The following GRAP variants were observed in gnomAD, a reference collection of about 807,000 sequenced individuals.
The protein encoded by GRAP is GRB2 related adaptor protein, also known as GRB2-related adapter protein.
In GRAP, 2 loss-of-function variants were observed where a neutral mutation model predicts 9.1. The ratio of observed to expected loss-of-function variants is 0.22; its 90% CI spans 0.09 to 0.69. The LOEUF (loss-of-function observed/expected upper bound fraction) is 0.69. Ranked by LOEUF, GRAP falls within the 30% of genes least tolerant of loss-of-function variation. The pLI, the probability that GRAP is intolerant of heterozygous loss-of-function variation, is 0.81. For missense variants in GRAP, 113 were observed against 179.4 expected (o/e 0.63, Z 2.12); for synonymous variants, 68 against 73.6 (o/e 0.92, Z 0.39).
chr17:19,027,482 GCGCACA>G (rs1248590324), intron 3 of GRAP, among the ~76,000 whole-genome samples: 10 of 115,976 alleles, frequency 8.6e-5, no homozygotes, highest in Middle Eastern at 3.9e-3. Flanking sequence ...GCGCGCGCGC[GCGCACA>G]CACACACACA....
At position 19,021,686 on chromosome 17, in the gene GRAP, C is replaced by T. The variant is rs147181892; in HGVS notation, c.*273G>A. 820 of 399,274 alleles carry T rather than the reference C, an allele frequency of 2.1e-3. 12 individuals carry two copies. Among genetic ancestry groups the T allele is most frequent in the East Asian group, 0.015 (431 of 28,052 alleles). The allele number at this position is 399,274 out of a possible 1,614,324, so 24.7% of individuals were successfully genotyped here. A position where few individuals can be genotyped will look rare whatever the true frequency, so the allele number is the denominator to read the frequency against. On this transcript the variant is annotated 3_prime_UTR_variant, in exon 5 of 5. Coordinates refer to ENST00000284154, the MANE Select transcript of GRAP (RefSeq NM_006613.4). This position sits in a 1 kb window ranked among gnomAD's most constrained non-coding sequence, Gnocchi z 4.1. ...TGACAAGAGGAGGTGGGCGGGGCCT[C>T]CACAGACTCCGCCCTGTGGTGTCAC... is the stretch of plus-strand genomic sequence containing the variant.
In GRAP at chr17:19,027,482, G is replaced by GCACACACACACA. The variant is rs1201282703; in HGVS notation, c.300-3100_300-3099insTGTGTGTGTGTG. 4.7e-3 allele frequency among the ~76,000 whole-genome samples: 540 copies of GCACACACACACA among 116,002 alleles called. 6 individuals carry two copies. The highest frequency in any genetic ancestry group is 9.2e-3 in the Admixed American group (102 of 11,088). 76.1% of individuals were successfully genotyped at this position (116,002 alleles called of 152,430 possible). Reference sequence around the variant, plus strand: ...TGATGGGACACATGCGCGCGCGCGCGCGCACACACACACACACACACACAC... The same window carrying GCACACACACACA: ...TGATGGGACACATGCGCGCGCGCGCGCACACACACACACGCACACACACACACACACACACAC... On this transcript the variant is annotated intron_variant, in intron 3 of 4. Coordinates refer to ENST00000284154, the MANE Select transcript of GRAP (RefSeq NM_006613.4).
intron 4 of GRAP, among the ~76,000 whole-genome samples, chr17:19,023,570 T>C (rs2044289546): frequency 6.6e-6 from 1 of 152,108 alleles, no homozygotes; most frequent in African/African-American, 2.4e-5. Context: ...TTGGGGCTCC[T>C]TGATGAAAGG....
chr17:19,024,177 A>G lies in GRAP; in HGVS notation c.468+38T>C, dbSNP rs1429969052. 1 of 1,549,126 alleles carries G rather than the reference A, an allele frequency of 6.5e-7. No individual in the cohort carries two copies. Among genetic ancestry groups the G allele is most frequent in the Non-Finnish European group, 8.7e-7 (1 of 1,143,384 alleles). On this transcript the variant is annotated intron_variant, in intron 4 of 4. Transcript: ENST00000284154. The surrounding 1 kb of genome is among the most constrained non-coding windows in gnomAD (Gnocchi z 4.2). ...CCCTGCTGCAGATGGCAGGAGGTGC[A>G]GAGAGGCTCCCACAGGCCAGCCCCC... is the stretch of plus-strand genomic sequence containing the variant.
Position 19,022,088 on chromosome 17 carries a change from C to A in GRAP, c.525G>T (p.Ser175=), listed in dbSNP as rs957663914. 1.3e-6 allele frequency: 2 copies of A among 1,587,408 alleles called. No homozygotes were observed. The highest frequency in any genetic ancestry group is 1.8e-5 in the Admixed American group (1 of 56,356). ...AQFDFSAQDP[S]QLSFRRGDII... Reference sequence around the variant, plus strand: ...TGTCGCCACGGCGGAAGCTGAGCTGCGAGGGGTCCTGGGCTGAGAAGTCAA... The same window carrying A: ...TGTCGCCACGGCGGAAGCTGAGCTGAGAGGGGTCCTGGGCTGAGAAGTCAA... The change falls in exon 5 of 5, where the codon TCG becomes TCT. Residue 175 remains serine (S), a synonymous_variant. Transcript: ENST00000284154.
intron 3 of GRAP, among the ~76,000 whole-genome samples, chr17:19,027,482 G>GCACACACACACACACACACACACACA (rs1201282703): frequency 1.7e-5 from 2 of 115,986 alleles, no homozygotes; most frequent in African/African-American, 3.6e-5. Context: ...GCGCGCGCGC[G>GCACACACACACACACACACACACACA]CGCACACACA....
intron 4 of GRAP, among the ~76,000 whole-genome samples, chr17:19,022,989 G>T (rs1363003207): frequency 1.3e-5 from 2 of 152,262 alleles, no homozygotes; most frequent in Admixed American, 6.5e-5. Flanking sequence ...AGAGCGAGGT[G>T]TTGGGTGTAG....
At position 19,021,989 on chromosome 17, in the gene GRAP, T is replaced by C. The variant is rs375764703; in HGVS notation, c.624A>G (p.Pro208=). ...GRSCGRVGFF[P]RSYVQPVHL is the part of the protein sequence containing the mutation. ...GGTGCACGGGCTGCACGTAACTCCG[T>C]GGGAAGAAGCCAACGCGCCCGCAGG... The change falls in exon 5 of 5, where the codon CCA becomes CCG. Residue 208 remains proline (P), a synonymous_variant. Coordinates refer to ENST00000284154, the MANE Select transcript of GRAP (RefSeq NM_006613.4). This position sits in a 1 kb window ranked among gnomAD's most constrained non-coding sequence, Gnocchi z 4.1. The C allele has an allele frequency of 1.3e-5, 21 of 1,582,728 alleles. No homozygotes were observed. Among genetic ancestry groups the C allele is most frequent in the Middle Eastern group, 3.8e-4 (2 of 5,254 alleles).
chr17:19,032,862 T>G (rs1597928967), intron 3 of GRAP: 1 of 24,516 alleles, frequency 4.1e-5, no homozygotes, highest in Non-Finnish European at 1.2e-4. Context: ...TGCAGGGAAG[T>G]GGTGGCTGGG....
upstream of GRAP, among the ~76,000 whole-genome samples, chr17:19,048,115 G>GCGCCATT (rs1212946252): frequency 1.9e-5 from 2 of 103,248 alleles, no homozygotes; most frequent in Non-Finnish European, 4.1e-5. Context: ...GCCTGAGATT[G>GCGCCATT]CGCCATTGCA....
At position 19,024,180 on chromosome 17, in the gene GRAP, G is replaced by A. The variant is rs2044294829; in HGVS notation, c.468+35C>T. On this transcript the variant is annotated intron_variant, in intron 4 of 4. Coordinates refer to ENST00000284154, the MANE Select transcript of GRAP (RefSeq NM_006613.4). This position sits in a 1 kb window ranked among gnomAD's most constrained non-coding sequence, Gnocchi z 4.2. ...TGCTGCAGATGGCAGGAGGTGCAGA[G>A]AGGCTCCCACAGGCCAGCCCCCACC... 2 of 1,552,886 alleles carry A rather than the reference G, an allele frequency of 1.3e-6. No individual in the cohort carries two copies. Among genetic ancestry groups the A allele is most frequent in the East Asian group, 2.4e-5 (1 of 41,256 alleles).
chr17:19,024,472 C>G lies in GRAP; in HGVS notation c.300-89G>C. ...GCTCCCGTCTCACTACCACCTGGAA[C>G]CAGCCTGTCTCACGGTGGGACCTGG... On this transcript the variant is annotated intron_variant, in intron 3 of 4. Transcript: ENST00000284154. The surrounding 1 kb of genome is among the most constrained non-coding windows in gnomAD (Gnocchi z 4.2). 1 of 1,512,922 alleles carries G rather than the reference C, an allele frequency of 6.6e-7. No individual in the cohort carries two copies. Among genetic ancestry groups the G allele is most frequent in the Non-Finnish European group, 8.9e-7 (1 of 1,127,754 alleles). The allele number at this position is 1,512,922 out of a possible 1,614,324, so 93.7% of individuals were successfully genotyped here. A position where few individuals can be genotyped will look rare whatever the true frequency, so the allele number is the denominator to read the frequency against.
intron 4 of GRAP, 113 bp from the exon 5 acceptor site, chr17:19,022,257 G>T: frequency 1.8e-6 from 1 of 566,220 alleles, no homozygotes; most frequent in Non-Finnish European, 3.0e-6. Context: ...GTCTCGGGCA[G>T]CACCGGAGTT....
intron 3 of GRAP, among the ~76,000 whole-genome samples, chr17:19,027,534 C>T (rs2044319602): frequency 7.1e-6 from 1 of 139,932 alleles, no homozygotes; most frequent in South Asian, 2.4e-4. Context: ...ACCCCTACCT[C>T]TCCTGGGTTG....
Position 19,027,482 on chromosome 17 carries a change from GCGCA to G in GRAP, c.300-3103_300-3100del, listed in dbSNP as rs1425635424. 2.4e-3 allele frequency among the ~76,000 whole-genome samples: 282 copies of G among 116,062 alleles called. 5 individuals are homozygous for G. Among genetic ancestry groups the G allele is most frequent in the Non-Finnish European group, 3.4e-3 (201 of 58,628 alleles). The allele number at this position is 116,062 out of a possible 152,430, so 76.1% of individuals were successfully genotyped here. ...TGATGGGACACATGCGCGCGCGCGC[GCGCA>G]CACACACACACACACACACACACAC... On this transcript the variant is annotated intron_variant, in intron 3 of 4. Coordinates refer to ENST00000284154, the MANE Select transcript of GRAP (RefSeq NM_006613.4).
At chr17:19,022,975 G>A (rs2044285091) in intron 4 of GRAP, among the ~76,000 whole-genome samples, 4 of 152,334 alleles carry the variant, frequency 2.6e-5, no homozygotes, top group Admixed American at 2.6e-4. Context: ...CCACGGCCCG[G>A]GCCAGAGCGA....
At chr17:19,023,722 G>A (rs964088794) in intron 4 of GRAP, among the ~76,000 whole-genome samples, 12 of 142,924 alleles carry the variant, frequency 8.4e-5, no homozygotes, top group Admixed American at 2.4e-4. Flanking sequence ...ACTCTTCCGC[G>A]AGCAGAAACC....
intron 3 of GRAP, among the ~76,000 whole-genome samples, chr17:19,025,444 G>T (rs536048324): frequency 7.1e-6 from 1 of 141,282 alleles, no homozygotes; most frequent in Non-Finnish European, 1.5e-5. Context: ...CACCCTCCTC[G>T]GCCTCCCAAA....
At chr17:19,022,255 C>T in intron 4 of GRAP, 111 bp from the exon 5 acceptor site, 1 of 577,278 alleles carries the variant, frequency 1.7e-6, no homozygotes, top group South Asian at 2.7e-5. Flanking sequence ...GGGTCTCGGG[C>T]AGCACCGGAG....
Sources: allele counts gnomAD v4.1 joint callset (sites outside exome capture counted in the v4.1 genomes callset), GRCh38; gene constraint gnomAD v4.1.1; non-coding constraint Gnocchi (gnomAD v3.1); transcripts MANE v1.5; gene names NCBI Gene and HGNC (gene_info 2026-07-23, HGNC 2026-07-21).